TXNDC16: variants seen among roughly 807,000 people sequenced by gnomAD.
TXNDC16 encodes the protein thioredoxin domain-containing protein 16.
TXNDC16 carries 74 observed loss-of-function variants against 85.6 expected under a neutral mutation model. That is an observed-to-expected ratio of 0.86 (90% CI 0.72 to 1.05). TXNDC16 has a LOEUF of 1.05. Ranked by LOEUF, TXNDC16 falls within the 50% of genes least tolerant of loss-of-function variation. TXNDC16 has a pLI of 0.00. For missense variants in TXNDC16, 959 were observed against 947.0 expected (o/e 1.01, Z -0.17); for synonymous variants, 335 against 326.5 (o/e 1.03, Z -0.28).
At chr14:52,464,037 C>T (rs769475437) in intron 16 of TXNDC16, among the ~76,000 whole-genome samples, 106 of 152,248 alleles carry the variant, frequency 7.0e-4, no homozygotes, top group Non-Finnish European at 1.4e-3. Flanking sequence ...CCAGAACTAC[C>T]TTTAAATAAT....
chr14:52,517,600 T>C (rs1358151436), intron 7 of TXNDC16, among the ~76,000 whole-genome samples: 2 of 152,120 alleles, frequency 1.3e-5, no homozygotes, highest in Non-Finnish European at 2.9e-5. Context: ...ATCCCTCTGG[T>C]TACCAGAGAT....
At position 52,470,626 on chromosome 14, in the gene TXNDC16, C is replaced by CA. The variant is rs2035885675; in HGVS notation, c.1366dup (p.Cys456LeufsTer3). 1 of 1,613,910 alleles carries CA rather than the reference C, an allele frequency of 6.2e-7. No homozygotes were observed. Among genetic ancestry groups the CA allele is most frequent in the Non-Finnish European group, 8.5e-7 (1 of 1,179,916 alleles). On this transcript the variant is annotated frameshift_variant, in exon 15 of 21. Coordinates refer to ENST00000281741, the MANE Select transcript of TXNDC16 (RefSeq NM_020784.3). LOFTEE classifies it high-confidence loss of function. ...AAATTCAGTAACATTTTGCTTAGTACATACATCAGACCAATCTGCACAGTT... is the reference window on the plus strand; with the variant it reads ...AAATTCAGTAACATTTTGCTTAGTACAATACATCAGACCAATCTGCACAGTT...
intron 9 of TXNDC16, among the ~76,000 whole-genome samples, chr14:52,503,672 A>G (rs1219368410): frequency 6.6e-6 from 1 of 152,146 alleles, no homozygotes; most frequent in African/African-American, 2.4e-5. Context: ...GGGCACCTCT[A>G]CTCCTCCAAA....
At chr14:52,501,124 T>C (rs1412690113) in intron 9 of TXNDC16, among the ~76,000 whole-genome samples, 1 of 152,210 alleles carries the variant, frequency 6.6e-6, no homozygotes, top group African/African-American at 2.4e-5. Flanking sequence ...TATTTAAGAT[T>C]GAAATTCACT....
chr14:52,537,693 G>T, intron 4 of TXNDC16, 21 bp from the exon 5 acceptor site: 2 of 1,417,808 alleles, frequency 1.4e-6, no homozygotes, highest in Non-Finnish European at 2.0e-6. Context: ...GTATACTTAA[G>T]TTTTAGCATA....
chr14:52,536,001 G>A (rs959912832), intron 6 of TXNDC16, among the ~76,000 whole-genome samples: 6 of 151,540 alleles, frequency 4.0e-5, no homozygotes, highest in African/African-American at 1.5e-4. Context: ...TCCAGCCTGG[G>A]AGACAAAGTG....
At chr14:52,471,445 C>A (rs1289263738) in intron 14 of TXNDC16, among the ~76,000 whole-genome samples, 1 of 152,182 alleles carries the variant, frequency 6.6e-6, no homozygotes, top group East Asian at 1.9e-4. Flanking sequence ...CCCCACCAAC[C>A]TTTTGCAGAA....
chr14:52,439,113 C>A, intron 20 of TXNDC16, 91 bp downstream of exon 20: 1 of 1,314,114 alleles, frequency 7.6e-7, no homozygotes, highest in South Asian at 1.3e-5. Context: ...ATTTTAATAA[C>A]TCATCCTACC....
intron 14 of TXNDC16, among the ~76,000 whole-genome samples, chr14:52,474,415 A>C (rs2035974340): frequency 6.6e-6 from 1 of 152,246 alleles, no homozygotes; most frequent in South Asian, 2.1e-4. Flanking sequence ...ATAAAGGAAA[A>C]TGTGAAAGCA....
chr14:52,497,210 T>C (rs549631225), intron 9 of TXNDC16, among the ~76,000 whole-genome samples: 36 of 152,160 alleles, frequency 2.4e-4, no homozygotes, highest in Admixed American at 7.2e-4. Context: ...TGAGCAATTA[T>C]ATGCCAATAA....
At chr14:52,549,289 T>C (rs1037649561) in intron 1 of TXNDC16, among the ~76,000 whole-genome samples, 2 of 152,078 alleles carry the variant, frequency 1.3e-5, no homozygotes, top group African/African-American at 2.4e-5. Context: ...ATTTAAATAA[T>C]AGAAAGAATG....
intron 9 of TXNDC16, among the ~76,000 whole-genome samples, chr14:52,508,163 T>C (rs1475728070): frequency 6.6e-6 from 1 of 151,998 alleles, no homozygotes. Flanking sequence ...TGCAATCTAC[T>C]CATCTGACAA....
intron 18 of TXNDC16, among the ~76,000 whole-genome samples, chr14:52,453,360 G>C (rs2035455512): frequency 6.6e-6 from 1 of 152,124 alleles, no homozygotes; most frequent in Non-Finnish European, 1.5e-5. Flanking sequence ...GTATACCAAA[G>C]AGATATCTGC....
chr14:52,432,373 A>G lies in TXNDC16; in HGVS notation c.2409T>C (p.Ser803=). The G allele has an allele frequency of 6.2e-7, 1 of 1,613,730 alleles. No individual in the cohort carries two copies. Among genetic ancestry groups the G allele is most frequent in the South Asian group, 1.1e-5 (1 of 91,034 alleles). ...ETLRIKHWNR[S]NWFKEAEKSF... is the part of the protein sequence containing the mutation. ...ATTTTTCTGCTTCTTTAAACCAATT[A>G]CTTCTATTCCAATGCTTTATTCTCA... The change falls in exon 21 of 21, where the codon AGT becomes AGC. Residue 803 remains serine, a synonymous_variant. Coordinates refer to ENST00000281741, the MANE Select transcript of TXNDC16 (RefSeq NM_020784.3).
intron 9 of TXNDC16, among the ~76,000 whole-genome samples, chr14:52,506,960 C>T (rs2036824262): frequency 6.6e-6 from 1 of 151,832 alleles, no homozygotes; most frequent in Non-Finnish European, 1.5e-5. Flanking sequence ...CAATATCATA[C>T]TGAATGGGCA....
At chr14:52,547,798 C>T (rs1005805368) in intron 1 of TXNDC16, among the ~76,000 whole-genome samples, 6 of 152,178 alleles carry the variant, frequency 3.9e-5, no homozygotes, top group Non-Finnish European at 8.8e-5. Flanking sequence ...CAACTTTAGG[C>T]TTCACATAGT....
chr14:52,467,218 T>C (rs1046239415), intron 16 of TXNDC16, among the ~76,000 whole-genome samples: 1 of 149,428 alleles, frequency 6.7e-6, no homozygotes, highest in African/African-American at 2.4e-5. Context: ...AGAAAAAAAA[T>C]TAAGTTGGCA....
intron 9 of TXNDC16, among the ~76,000 whole-genome samples, chr14:52,500,465 G>A (rs777845080): frequency 7.2e-5 from 11 of 152,204 alleles, no homozygotes; most frequent in Non-Finnish European, 1.3e-4. Context: ...GTAGAGGGGA[G>A]ATGTGAAGTT....
intron 1 of TXNDC16, among the ~76,000 whole-genome samples, 190 bp downstream of exon 1, chr14:52,552,126 T>C (rs943815325): frequency 6.6e-6 from 1 of 152,180 alleles, no homozygotes; most frequent in South Asian, 2.1e-4. Flanking sequence ...CCGCCGTTCA[T>C]GCAGCGAAAA....
Sources: gnomAD v4.1 joint callset for allele counts (sites outside exome capture counted in the v4.1 genomes callset) on GRCh38, gnomAD v4.1.1 for gene constraint, MANE v1.5 for transcripts, NCBI Gene and HGNC (gene_info 2026-07-23, HGNC 2026-07-21) for gene names.